Variants in TTC17 observed in about 807,000 individuals in gnomAD.
The protein encoded by TTC17 is tetratricopeptide repeat protein 17.
TTC17 carries 58 observed loss-of-function variants against 143.8 expected under a neutral mutation model. That is an observed-to-expected ratio of 0.40 (90% CI 0.33 to 0.50). The LOEUF (loss-of-function observed/expected upper bound fraction) is 0.50, where lower values mean the gene tolerates loss of function less well. TTC17 is among the 20% of genes least tolerant of loss of function. TTC17 has a pLI of 0.49. For missense variants in TTC17, 1,273 were observed against 1,392.5 expected, an observed-to-expected ratio of 0.91 and a Z score of 1.37; for synonymous variants, 501 against 497.8, an observed-to-expected ratio of 1.01 and a Z score of -0.09.
At chr11:43,412,320 CA>C (rs886991461) in intron 15 of TTC17, among the ~76,000 whole-genome samples, 7 of 151,428 alleles carry the variant, frequency 4.6e-5, no homozygotes, top group African/African-American at 1.7e-4. Flanking sequence ...CCACTCTCTA[CA>C]AAAAAAGTCA....
chr11:43,397,594 T>G, intron 7 of TTC17, 103 bp downstream of exon 7: 10 of 1,319,044 alleles, frequency 7.6e-6, no homozygotes, highest in Non-Finnish European at 1.0e-5. Flanking sequence ...CATTCCTTTT[T>G]TGGTCTGAAC....
intron 21 of TTC17, among the ~76,000 whole-genome samples, chr11:43,477,475 C>T (rs1025229916): frequency 5.3e-5 from 8 of 152,188 alleles, no homozygotes; most frequent in African/African-American, 1.9e-4. Flanking sequence ...CTTACAGTTC[C>T]ACATGGCTGG....
chr11:43,396,646 T>C lies in TTC17; in HGVS notation c.664-63T>C, dbSNP rs147322531. On this transcript the variant is annotated intron_variant, in intron 5 of 23. Coordinates refer to ENST00000039989, the MANE Select transcript of TTC17 (RefSeq NM_018259.6). ...GAGCCAGAATATTAAAGGTGCTCCT[T>C]TTGAGTATTCTAAGTTAAACTGTCT... 9,049 of 919,878 alleles carry C rather than the reference T, an allele frequency of 9.8e-3. 75 individuals carry two copies. The highest frequency in any genetic ancestry group is 0.013 in the Non-Finnish European group (8,030 of 616,354). 57.0% of individuals were successfully genotyped at this position (919,878 alleles called of 1,614,324 possible). A position where few individuals can be genotyped will look rare whatever the true frequency, so the allele number is the denominator to read the frequency against.
At chr11:43,438,666 G>A (rs1340090177) in intron 16 of TTC17, among the ~76,000 whole-genome samples, 1 of 152,122 alleles carries the variant, frequency 6.6e-6, no homozygotes, top group African/African-American at 2.4e-5. Context: ...GATTTTGTTG[G>A]CCATCTCTTT....
chr11:43,408,646 T>C (rs1269858552), intron 15 of TTC17, among the ~76,000 whole-genome samples: 1 of 152,200 alleles, frequency 6.6e-6, no homozygotes, highest in East Asian at 1.9e-4. Context: ...TTTTGATATT[T>C]TAAAATCATA....
intron 23 of TTC17, among the ~76,000 whole-genome samples, chr11:43,493,180 G>A (rs1475870365): frequency 6.6e-6 from 1 of 152,222 alleles, no homozygotes; most frequent in African/African-American, 2.4e-5. Context: ...CTTTTAGAGT[G>A]TAACTCTAAG....
chr11:43,440,420 CAT>C (rs1947390370), intron 16 of TTC17, among the ~76,000 whole-genome samples: 1 of 152,208 alleles, frequency 6.6e-6, no homozygotes, highest in Non-Finnish European at 1.5e-5. Context: ...AACCTATAGT[CAT>C]ATATTAAAAA....
chr11:43,398,004 T>A lies in TTC17; in HGVS notation c.949T>A (p.Cys317Ser), dbSNP rs754134391. 8 of 1,613,520 alleles carry A rather than the reference T, an allele frequency of 5.0e-6. No homozygotes were observed. The African/African-American group carries it at 1.1e-4, about 22-fold the overall frequency. ...MLGEYNHSVLCYDHALQARPG... is the reference protein window; with the variant it reads ...MLGEYNHSVLSYDHALQARPG... ...TGGGGAATATAACCACTCAGTGCTC[T>A]GTTATGACCACGCTTTGCAGGCCAG... is the stretch of plus-strand genomic sequence containing the variant. The change falls in exon 8 of 24, where the codon TGT (cysteine) becomes AGT (serine). Residue 317 changes from cysteine (C) to serine (S), a missense_variant. Coordinates refer to ENST00000039989, the MANE Select transcript of TTC17 (RefSeq NM_018259.6).
At chr11:43,465,762 C>A (rs1947959196) in intron 21 of TTC17, among the ~76,000 whole-genome samples, 1 of 152,120 alleles carries the variant, frequency 6.6e-6, no homozygotes, top group Non-Finnish European at 1.5e-5. Flanking sequence ...TGGACCCTTA[C>A]CTTATATCAT....
rs188643640 is a variant in TTC17, at chr11:43,415,329, G to T, written c.2251+553G>T. ...CCTGTGTATAGGTGTATCCACCTGG[G>T]TAAAGCTAATATCTAAAGCTGTTGC... On this transcript the variant is annotated intron_variant, in intron 16 of 23. Coordinates refer to ENST00000039989, the MANE Select transcript of TTC17 (RefSeq NM_018259.6). 3.5e-3 allele frequency among the ~76,000 whole-genome samples: 536 copies of T among 152,210 alleles called. 3 individuals are homozygous for T. Among genetic ancestry groups the T allele is most frequent in the African/African-American group, 0.012 (509 of 41,538 alleles).
At chr11:43,405,977 A>G in intron 13 of TTC17, 26 bp downstream of exon 13, 1 of 1,602,932 alleles carries the variant, frequency 6.2e-7, no homozygotes, top group South Asian at 1.1e-5. Flanking sequence ...GCTGGTATTT[A>G]TTGCCGTCCA....
intron 5 of TTC17, among the ~76,000 whole-genome samples, chr11:43,393,316 G>A (rs1857458797): frequency 6.6e-6 from 1 of 152,100 alleles, no homozygotes; most frequent in Non-Finnish European, 1.5e-5. Flanking sequence ...CCCCAAGTTA[G>A]AACAGCTCAC....
rs149250487 is a variant in TTC17 at position 43,385,421 on chromosome 11, AAG to A, written c.250-4225_250-4224del. 6.7e-3 allele frequency among the ~76,000 whole-genome samples: 1,022 copies of A among 152,286 alleles called. 23 individuals carry two copies. In the East Asian group the frequency reaches 0.085, roughly 13 times the overall value. ...AATAAAATACACATACCCAGGAAAA[AAG>A]AGAGAAAACACAAATTTTTGAAAAT... On this transcript the variant is annotated intron_variant, in intron 2 of 23. Coordinates refer to ENST00000039989, the MANE Select transcript of TTC17 (RefSeq NM_018259.6).
At chr11:43,483,254 C>G (rs1158642260) in intron 21 of TTC17, among the ~76,000 whole-genome samples, 1 of 152,078 alleles carries the variant, frequency 6.6e-6, no homozygotes, top group Non-Finnish European at 1.5e-5. Flanking sequence ...ATTCTACAAA[C>G]TTTTGAGAAA....
intron 21 of TTC17, among the ~76,000 whole-genome samples, chr11:43,488,911 G>C (rs1278247597): frequency 1.3e-5 from 2 of 152,032 alleles, no homozygotes; most frequent in Non-Finnish European, 2.9e-5. Context: ...GTGTTGCCCA[G>C]GCTGATCTCC....
intron 18 of TTC17, among the ~76,000 whole-genome samples, chr11:43,447,251 A>T (rs1305352262): frequency 6.6e-6 from 1 of 152,140 alleles, no homozygotes; most frequent in Non-Finnish European, 1.5e-5. Context: ...AATGGAAAAA[A>T]CTTAACCACA....
chr11:43,398,165 T>A, intron 8 of TTC17, 52 bp downstream of exon 8: 1 of 1,604,064 alleles, frequency 6.2e-7, no homozygotes, highest in Non-Finnish European at 8.5e-7. Flanking sequence ...GAACCTTAGG[T>A]TAAATCTGTG....
At chr11:43,485,968 G>T (rs1948373842) in intron 21 of TTC17, among the ~76,000 whole-genome samples, 1 of 150,440 alleles carries the variant, frequency 6.6e-6, no homozygotes, top group South Asian at 2.1e-4. Flanking sequence ...ACTATAACAG[G>T]AGACAACCAG....
chr11:43,482,340 T>C (rs1948303499), intron 21 of TTC17, among the ~76,000 whole-genome samples: 1 of 151,976 alleles, frequency 6.6e-6, no homozygotes, highest in Non-Finnish European at 1.5e-5. Context: ...TGTTCAATGC[T>C]AAAAGTTTCC....
Sources: allele counts gnomAD v4.1 joint callset (sites outside exome capture counted in the v4.1 genomes callset), GRCh38; gene constraint gnomAD v4.1.1; transcripts MANE v1.5; gene names NCBI Gene and HGNC (gene_info 2026-07-23, HGNC 2026-07-21).